CDC42SE2: variants seen among roughly 807,000 people sequenced by gnomAD.
CDC42SE2 encodes the protein CDC42 small effector 2.
A neutral mutation model predicts 11.5 loss-of-function variants in CDC42SE2; 3 were observed. The observed-to-expected ratio is 0.26, with a 90% CI of 0.12 to 0.67. The LOEUF (loss-of-function observed/expected upper bound fraction) is 0.67. Among genes scored for constraint, CDC42SE2 ranks in the 30% least tolerant of loss-of-function variants. The pLI, the probability that CDC42SE2 is intolerant of heterozygous loss-of-function variation, is 0.80. For missense variants in CDC42SE2, 82 were observed against 106.8 expected (o/e 0.77, Z 1.02); for synonymous variants, 33 against 34.8 (o/e 0.95, Z 0.18).
At chr5:131,375,566 T>C (rs1465697619) in intron 3 of CDC42SE2, among the ~76,000 whole-genome samples, 2 of 152,232 alleles carry the variant, frequency 1.3e-5, no homozygotes, top group Non-Finnish European at 2.9e-5. Context: ...CTCTGTCACC[T>C]GAGGGCCACT....
At chr5:131,376,448 C>G (rs1349618114) in intron 3 of CDC42SE2, among the ~76,000 whole-genome samples, 3 of 152,074 alleles carry the variant, frequency 2.0e-5, no homozygotes. Flanking sequence ...CTTATAAGTA[C>G]TCTTTATTAC....
intron 1 of CDC42SE2, among the ~76,000 whole-genome samples, chr5:131,311,155 C>T (rs1468675905): frequency 1.3e-5 from 2 of 152,032 alleles, no homozygotes; most frequent in Non-Finnish European, 2.9e-5. Context: ...AAAAATCTCT[C>T]AGCATTTGCT....
At chr5:131,310,158 G>T (rs373490164) in intron 1 of CDC42SE2, among the ~76,000 whole-genome samples, 12 of 151,632 alleles carry the variant, frequency 7.9e-5, no homozygotes, top group Admixed American at 2.6e-4. Flanking sequence ...CTTTGTTCTC[G>T]TTGGTTTCAA....
intron 1 of CDC42SE2, among the ~76,000 whole-genome samples, chr5:131,285,445 CTGACTA>C (rs1420643404): frequency 2.0e-5 from 3 of 152,110 alleles, no homozygotes; most frequent in Non-Finnish European, 4.4e-5. Context: ...AAAATAATTT[CTGACTA>C]TGGCTAAGAG....
intron 3 of CDC42SE2, among the ~76,000 whole-genome samples, chr5:131,373,017 A>T (rs924196163): frequency 2.6e-5 from 4 of 152,166 alleles, no homozygotes; most frequent in African/African-American, 9.7e-5. Flanking sequence ...GGTTATATTC[A>T]AGTACATTTC....
intron 1 of CDC42SE2, among the ~76,000 whole-genome samples, chr5:131,291,727 C>G (rs1580734723): frequency 6.6e-6 from 1 of 152,228 alleles, no homozygotes; most frequent in East Asian, 1.9e-4. Flanking sequence ...ATTACCTTTT[C>G]CCTCTGCTCT....
intron 2 of CDC42SE2, among the ~76,000 whole-genome samples, chr5:131,347,206 G>A (rs948252148): frequency 6.6e-6 from 1 of 152,114 alleles, no homozygotes; most frequent in African/African-American, 2.4e-5. Context: ...AATGAATCCA[G>A]GAGTTGGTGT....
In CDC42SE2 at chr5:131,366,960, G is replaced by T. The variant is rs77459443; in HGVS notation, c.54+7413G>T. 9.7e-3 allele frequency among the ~76,000 whole-genome samples: 1,472 copies of T among 152,088 alleles called. 24 individuals carry two copies. Among genetic ancestry groups the T allele is most frequent in the African/African-American group, 0.033 (1,389 of 41,482 alleles). On this transcript the variant is annotated intron_variant, in intron 3 of 4. Coordinates refer to ENST00000505065, the MANE Select transcript of CDC42SE2 (RefSeq NM_001375635.1). Reference sequence around the variant, plus strand: ...GGAGGATTGCTTGAGCTGGGAGGTTGAAGCTGTAGTGAGCCAGGATCGCAT... The same window carrying T: ...GGAGGATTGCTTGAGCTGGGAGGTTTAAGCTGTAGTGAGCCAGGATCGCAT...
the CDC42SE2 span, among the ~76,000 whole-genome samples, chr5:131,214,054 C>T: frequency 6.6e-6 from 1 of 152,120 alleles, no homozygotes; most frequent in African/African-American, 2.4e-5. Context: ...TGCAATGAAA[C>T]TAGTGCTAAT....
intron 1 of CDC42SE2, among the ~76,000 whole-genome samples, chr5:131,285,283 C>G (rs1382747484): frequency 6.6e-6 from 1 of 151,924 alleles, no homozygotes; most frequent in Non-Finnish European, 1.5e-5. Flanking sequence ...TTGCTCCCCC[C>G]GCCCCAAAAT....
rs542917816 is a variant in CDC42SE2, at chr5:131,337,399, T to C, written c.-286+21255T>C. On this transcript the variant is annotated intron_variant, in intron 2 of 4. Coordinates refer to ENST00000505065, the MANE Select transcript of CDC42SE2 (RefSeq NM_001375635.1). ...CCCCTACTGGGGGGTGCCTCCCAGTTAGGCTGCTCGTGGGTCAGGGACCTA... is the reference window on the plus strand; with the variant it reads ...CCCCTACTGGGGGGTGCCTCCCAGTCAGGCTGCTCGTGGGTCAGGGACCTA... Among the ~76,000 whole-genome samples, 8 of 152,310 alleles carry C rather than the reference T, an allele frequency of 5.3e-5. No individual in the cohort carries two copies. The South Asian group carries it at 1.5e-3, about 28-fold the overall frequency.
At chr5:131,214,491 C>G in the CDC42SE2 span, among the ~76,000 whole-genome samples, 1 of 151,946 alleles carries the variant, frequency 6.6e-6, no homozygotes, top group Admixed American at 6.6e-5. Flanking sequence ...TCTATGTAGC[C>G]TTTTTTTTCC....
At chr5:131,242,620 C>G (rs1199952806), upstream of CDC42SE2, among the ~76,000 whole-genome samples, 1 of 152,096 alleles carries the variant, frequency 6.6e-6, no homozygotes, top group Non-Finnish European at 1.5e-5. Flanking sequence ...TCCACAAGTT[C>G]TGGCAGCCAC....
chr5:131,360,256 G>T (rs757317047), intron 3 of CDC42SE2, among the ~76,000 whole-genome samples: 11 of 152,146 alleles, frequency 7.2e-5, no homozygotes, highest in Admixed American at 7.2e-4. Flanking sequence ...GAGTAGCTGG[G>T]ATTATAGGCA....
the CDC42SE2 span, among the ~76,000 whole-genome samples, chr5:131,218,463 G>A: frequency 1.9e-4 from 29 of 152,262 alleles, no homozygotes; most frequent in East Asian, 5.6e-3. Context: ...TACAACTTTG[G>A]AACTATGTTT....
At chr5:131,261,005 G>A (rs1024368918), upstream of CDC42SE2, among the ~76,000 whole-genome samples, 1 of 152,184 alleles carries the variant, frequency 6.6e-6, no homozygotes, top group Non-Finnish European at 1.5e-5. Context: ...AAATTTTAAG[G>A]AAAATTTATT....
At chr5:131,298,416 C>T (rs1383446839) in intron 1 of CDC42SE2, among the ~76,000 whole-genome samples, 2 of 151,704 alleles carry the variant, frequency 1.3e-5, no homozygotes, top group African/African-American at 4.8e-5. Context: ...GCCACCGCGC[C>T]CGGCATCTTT....
chr5:131,361,983 T>C (rs1381388359), intron 3 of CDC42SE2, among the ~76,000 whole-genome samples: 1 of 152,154 alleles, frequency 6.6e-6, no homozygotes, highest in African/African-American at 2.4e-5. Context: ...TGCTAGGGTC[T>C]TGGGTTTTTA....
intron 1 of CDC42SE2, among the ~76,000 whole-genome samples, chr5:131,314,631 C>G (rs1413737703): frequency 1.3e-5 from 2 of 152,124 alleles, no homozygotes; most frequent in African/African-American, 4.8e-5. Flanking sequence ...TGCAACCTTC[C>G]TAGACTTATT....
Sources: gnomAD v4.1 joint callset for allele counts (sites outside exome capture counted in the v4.1 genomes callset) on GRCh38, gnomAD v4.1.1 for gene constraint, MANE v1.5 for transcripts, NCBI Gene and HGNC (gene_info 2026-07-23, HGNC 2026-07-21) for gene names.